The following LDB3 variants were observed in gnomAD, a reference collection of about 807,000 sequenced individuals.
The protein encoded by LDB3 is LIM domain-binding protein 3.
In LDB3, 49 loss-of-function variants were observed where a neutral mutation model predicts 69.0. The ratio of observed to expected loss-of-function variants is 0.71; its 90% CI spans 0.56 to 0.90. The LOEUF (loss-of-function observed/expected upper bound fraction) is 0.90, where lower values mean the gene tolerates loss of function less well. Among genes scored for constraint, LDB3 ranks in the 40% least tolerant of loss-of-function variants. The pLI is 0.00. For synonymous variants in LDB3, 387 were observed against 396.2 expected, an observed-to-expected ratio of 0.98 and a Z score of 0.28; for missense variants, 928 against 974.1, an observed-to-expected ratio of 0.95 and a Z score of 0.63.
At chr10:86,674,254 C>T (rs1337852106) in intron 2 of LDB3, among the ~76,000 whole-genome samples, 2 of 152,212 alleles carry the variant, frequency 1.3e-5, no homozygotes, top group Non-Finnish European at 2.9e-5. Flanking sequence ...CGACATAATC[C>T]TCACAACAAT....
chr10:86,722,193 A>T (rs907036790), intron 12 of LDB3, among the ~76,000 whole-genome samples: 1 of 152,248 alleles, frequency 6.6e-6, no homozygotes, highest in African/African-American at 2.4e-5. Context: ...TATGGAATCA[A>T]ATTTAAAACA....
intron 13 of LDB3, among the ~76,000 whole-genome samples, chr10:86,728,232 G>C (rs1847328788): frequency 6.6e-6 from 1 of 152,186 alleles, no homozygotes. Flanking sequence ...GGAAGGTCCA[G>C]GAAGACAGTG....
At chr10:86,703,428 C>T (rs879691469) in intron 7 of LDB3, among the ~76,000 whole-genome samples, 1 of 152,226 alleles carries the variant, frequency 6.6e-6, no homozygotes, top group Admixed American at 6.5e-5. Flanking sequence ...GGGCCAGGCA[C>T]GGCTGCAGGC....
At chr10:86,698,578 C>G (rs1200960529) in intron 7 of LDB3, among the ~76,000 whole-genome samples, 1 of 152,210 alleles carries the variant, frequency 6.6e-6, no homozygotes, top group Non-Finnish European at 1.5e-5. Context: ...TGGCTTGAGC[C>G]CCAAGAGGCC....
rs774517142 is a variant in LDB3, at chr10:86,699,243, CTCTCT to C, written c.896+6673_896+6677del. ...TCTTTCTGTCTCTGTCTCTGTTTCT[CTCTCT>C]CTCTCTCTCTCTCTCTCTCTGTGCC... On this transcript the variant is annotated intron_variant, in intron 7 of 13. Coordinates refer to ENST00000361373, the MANE Select transcript of LDB3 (RefSeq NM_007078.3). The surrounding 1 kb of genome is among the most constrained non-coding windows in gnomAD (Gnocchi z 4.9). 7.8e-5 allele frequency: 12 copies of C among 154,788 alleles called. No individual in the cohort carries two copies. In the African/African-American group the frequency reaches 3.1e-3, roughly 41 times the overall value. The allele number at this position is 154,788 out of a possible 1,614,324, so 9.6% of individuals were successfully genotyped here.
chr10:86,719,523 T>C (rs1847000550), intron 12 of LDB3, among the ~76,000 whole-genome samples: 1 of 152,242 alleles, frequency 6.6e-6, no homozygotes, highest in Non-Finnish European at 1.5e-5. Context: ...TCCTTCATTC[T>C]ATTCCTGGTT....
At chr10:86,714,471 G>A (rs554312713) in intron 9 of LDB3, among the ~76,000 whole-genome samples, 1 of 152,156 alleles carries the variant, frequency 6.6e-6, no homozygotes, top group Non-Finnish European at 1.5e-5. Flanking sequence ...AGGGAATAAT[G>A]TGAAGACCGA....
chr10:86,688,750 T>G (rs1298454757), intron 5 of LDB3, among the ~76,000 whole-genome samples: 1 of 152,178 alleles, frequency 6.6e-6, no homozygotes, highest in Non-Finnish European at 1.5e-5. Context: ...TTAAAAGTAG[T>G]AGCAATGGCC....
At chr10:86,687,381 A>G (rs1845541374) in intron 5 of LDB3, 1 of 1,104,476 alleles carries the variant, frequency 9.1e-7, no homozygotes, top group Non-Finnish European at 1.4e-6. Flanking sequence ...GACCTCCTGG[A>G]GGCATGGCCC....
In LDB3 at chr10:86,708,150, G is replaced by A. The variant is rs1218756378; in HGVS notation, c.1085+1431G>A. On this transcript the variant is annotated intron_variant, in intron 8 of 13. Coordinates refer to ENST00000361373, the MANE Select transcript of LDB3 (RefSeq NM_007078.3). ...CCACGGCTGAGCTCCTGGAACCCTT[G>A]GGATGCCCCCCACAGGGGGAGTCCT... Among the ~76,000 whole-genome samples the A allele has an allele frequency of 2.0e-5, 3 of 152,246 alleles. No homozygotes were observed. In the East Asian group the frequency reaches 5.8e-4, roughly 29 times the overall value.
intron 12 of LDB3, among the ~76,000 whole-genome samples, chr10:86,724,741 C>T (rs1002340011): frequency 6.6e-6 from 1 of 151,978 alleles, no homozygotes; most frequent in African/African-American, 2.4e-5. Flanking sequence ...TGTTCCTTTC[C>T]CTCTTTGCAT....
intron 13 of LDB3, among the ~76,000 whole-genome samples, chr10:86,730,195 C>T (rs954341381): frequency 3.9e-5 from 6 of 152,208 alleles, no homozygotes; most frequent in Non-Finnish European, 7.3e-5. Context: ...CCCTTTTCCT[C>T]TCCAACTCTC....
chr10:86,683,050 C>T (rs1290878045), intron 5 of LDB3, among the ~76,000 whole-genome samples: 1 of 152,202 alleles, frequency 6.6e-6, no homozygotes. Context: ...GGTTCCCCAG[C>T]AAAGGACTTT....
At chr10:86,718,236 C>A in intron 11 of LDB3, 92 bp downstream of exon 11, 1 of 1,252,440 alleles carries the variant, frequency 8.0e-7, no homozygotes, top group Non-Finnish European at 1.2e-6. Context: ...CAAGAAGTTG[C>A]TGGTAACAGA....
intron 9 of LDB3, among the ~76,000 whole-genome samples, chr10:86,715,607 C>T (rs1191249006): frequency 6.6e-6 from 1 of 152,136 alleles, no homozygotes; most frequent in South Asian, 2.1e-4. Context: ...TCCACCAAAG[C>T]GATGTGGGAG....
intron 2 of LDB3, among the ~76,000 whole-genome samples, chr10:86,674,007 A>G (rs970356634): frequency 6.6e-6 from 1 of 151,954 alleles, no homozygotes; most frequent in Admixed American, 6.6e-5. Context: ...CCTCCCCCCA[A>G]CACCCAGGCC....
chr10:86,716,935 C>T (rs1051578005), intron 10 of LDB3, among the ~76,000 whole-genome samples, 164 bp downstream of exon 10: 5 of 152,284 alleles, frequency 3.3e-5, no homozygotes, highest in Admixed American at 1.3e-4. Context: ...CTCTCTGAGC[C>T]TTAGCTGCCA....
chr10:86,733,018 C>T lies in LDB3; in HGVS notation c.*42C>T. On this transcript the variant is annotated 3_prime_UTR_variant, in exon 14 of 14. Transcript: ENST00000361373. ...GTGCTGACGAGGCCCGGAGCTGCTC[C>T]TGCTGCTGGCAACAAAGGATTCGGG... is the stretch of plus-strand genomic sequence containing the variant. 7.2e-7 allele frequency: 1 copy of T among 1,395,800 alleles called. No homozygotes were observed. Among genetic ancestry groups the T allele is most frequent in the South Asian group, 1.2e-5 (1 of 84,566 alleles). 86.5% of individuals were successfully genotyped at this position (1,395,800 alleles called of 1,614,324 possible).
chr10:86,673,904 AG>A (rs201699627), intron 2 of LDB3, among the ~76,000 whole-genome samples: 4,862 of 152,304 alleles, frequency 0.032, 183 homozygotes, highest in Admixed American at 0.12. Flanking sequence ...CTCTGCTGCC[AG>A]GGAACTGGGA....
Sources: gnomAD v4.1 joint callset for allele counts (sites outside exome capture counted in the v4.1 genomes callset) on GRCh38, gnomAD v4.1.1 for gene constraint, Gnocchi (gnomAD v3.1) non-coding constraint, MANE v1.5 for transcripts, NCBI Gene and HGNC (gene_info 2026-07-23, HGNC 2026-07-21) for gene names.